The following ZNF469 variants were observed in gnomAD, a reference collection of about 807,000 sequenced individuals.
The protein encoded by ZNF469 is zinc finger protein 469.
ZNF469 carries 1 observed loss-of-function variant against 1.0 expected under a neutral mutation model. The ratio of observed to expected loss-of-function variants is 1.00; its 90% CI spans 0.35 to 4.73. The LOEUF (loss-of-function observed/expected upper bound fraction) is 4.73. ZNF469 is among the 30% of genes most tolerant of loss of function. ZNF469 has a pLI of 0.16. For missense variants in ZNF469, 6,100 were observed against 5,356.3 expected (o/e 1.14, Z -4.33); for synonymous variants, 2,703 against 2,363.4 (o/e 1.14, Z -4.17).
chr16:88,297,135 C>T, the ZNF469 span, among the ~76,000 whole-genome samples: 1 of 152,258 alleles, frequency 6.6e-6, no homozygotes, highest in Admixed American at 6.5e-5. Context: ...GCTTTCGGCT[C>T]TAGCCTCGAA....
the ZNF469 span, among the ~76,000 whole-genome samples, chr16:88,200,676 GT>G: frequency 6.6e-6 from 1 of 152,254 alleles, no homozygotes; most frequent in Non-Finnish European, 1.5e-5. Flanking sequence ...CCAGCAGCTG[GT>G]TCCCTCTGCC....
chr16:88,146,070 G>C, the ZNF469 span, among the ~76,000 whole-genome samples: 3 of 152,246 alleles, frequency 2.0e-5, no homozygotes, highest in African/African-American at 4.8e-5. Context: ...ACGGTGCCCG[G>C]TGCAGGGCCT....
the ZNF469 span, among the ~76,000 whole-genome samples, chr16:88,340,353 A>T: frequency 6.6e-6 from 1 of 152,160 alleles, no homozygotes; most frequent in African/African-American, 2.4e-5. Flanking sequence ...TGGACCAGGT[A>T]TCAAAGGCCA....
Position 88,430,445 on chromosome 16 carries a change from C to T in ZNF469, c.2975C>T (p.Pro992Leu). The change falls in exon 3 of 3, where the codon CCC becomes CTC. Residue 992 changes from proline to leucine, a missense_variant. Pro to Leu is a moderately conservative substitution (Grantham distance 98, BLOSUM62 -3). Coordinates refer to ENST00000565624, the MANE Select transcript of ZNF469 (RefSeq NM_001367624.2). The part of the protein sequence containing the change: ...RNDGLGERPP[P>L]RPRRPRTQAP... ...GACGGTCTCGGGGAGCGGCCCCCACCCCGTCCCCGGCGCCCTAGAACGCAG... is the reference window on the plus strand; with the variant it reads ...GACGGTCTCGGGGAGCGGCCCCCACTCCGTCCCCGGCGCCCTAGAACGCAG... 6.7e-7 allele frequency: 1 copy of T among 1,502,374 alleles called. No homozygotes were observed. The highest frequency in any genetic ancestry group is 8.8e-7 in the Non-Finnish European group (1 of 1,131,368). The allele number at this position is 1,502,374 out of a possible 1,614,324, so 93.1% of individuals were successfully genotyped here.
chr16:88,344,117 G>A, the ZNF469 span, among the ~76,000 whole-genome samples: 22 of 152,118 alleles, frequency 1.4e-4, no homozygotes, highest in Non-Finnish European at 2.9e-4. Context: ...CAAAACACCT[G>A]AGCGGTCCTC....
the ZNF469 span, among the ~76,000 whole-genome samples, chr16:88,374,741 G>A: frequency 1.0e-3 from 153 of 152,236 alleles, 1 homozygote; most frequent in African/African-American, 2.7e-3. Context: ...TGAGCTCGGC[G>A]CCGTGTGCTG....
intron 1 of ZNF469, among the ~76,000 whole-genome samples, chr16:88,393,433 A>T (rs920149899): frequency 2.6e-5 from 4 of 152,310 alleles, no homozygotes; most frequent in Non-Finnish European, 2.9e-5. Context: ...TTTATGCCGG[A>T]CCGGTGCCTG....
Position 88,428,666 on chromosome 16 carries a change from G to A in ZNF469, c.1196G>A (p.Ser399Asn). The A allele has an allele frequency of 6.5e-7, 1 of 1,549,962 alleles. No individual in the cohort carries two copies. Among genetic ancestry groups the A allele is most frequent in the Non-Finnish European group, 8.7e-7 (1 of 1,146,814 alleles). ...CTGGGGAGCACGAGAGGGCCCCCTA[G>A]CTCCCTACCCCAGAGGCACTTTCCA... ...DGLGSTRGPP[S>N]SLPQRHFPGQ... Residue 399 changes from serine (S) to asparagine (N), a missense_variant, in exon 3 of 3, where the codon AGC becomes AAC. Transcript: ENST00000565624.
the ZNF469 span, among the ~76,000 whole-genome samples, chr16:88,263,686 G>C: frequency 2.6e-5 from 4 of 152,146 alleles, no homozygotes; most frequent in African/African-American, 9.7e-5. Flanking sequence ...AGAGTCGCCA[G>C]AGGACCCGTA....
the ZNF469 span, among the ~76,000 whole-genome samples, chr16:88,110,371 C>A: frequency 1.9e-4 from 29 of 152,276 alleles, no homozygotes; most frequent in Non-Finnish European, 4.4e-5. Flanking sequence ...TCACGCCGGA[C>A]TGAACTGGCT....
chr16:88,351,759 G>A, the ZNF469 span, among the ~76,000 whole-genome samples: 1 of 152,004 alleles, frequency 6.6e-6, no homozygotes. Flanking sequence ...AGGGGGTTGT[G>A]CGGGGCTCCA....
At chr16:88,326,945 C>T in the ZNF469 span, among the ~76,000 whole-genome samples, 1 of 152,172 alleles carries the variant, frequency 6.6e-6, no homozygotes, top group Non-Finnish European at 1.5e-5. Flanking sequence ...CGGCCTGTGT[C>T]CCTGTCTCCC....
At chr16:88,371,759 G>C in the ZNF469 span, among the ~76,000 whole-genome samples, 1 of 151,904 alleles carries the variant, frequency 6.6e-6, no homozygotes, top group Non-Finnish European at 1.5e-5. Flanking sequence ...CAACACATTT[G>C]CTATGCTTAA....
At chr16:88,225,094 CG>C in the ZNF469 span, among the ~76,000 whole-genome samples, 1 of 152,256 alleles carries the variant, frequency 6.6e-6, no homozygotes, top group Non-Finnish European at 1.5e-5. Context: ...TCAGTGCCTA[CG>C]GGCGCCTGGC....
At chr16:88,186,602 C>T in the ZNF469 span, among the ~76,000 whole-genome samples, 1 of 152,190 alleles carries the variant, frequency 6.6e-6, no homozygotes, top group African/African-American at 2.4e-5. Flanking sequence ...GCACCGAGAC[C>T]TCAGTGTCGG....
chr16:88,313,254 T>G, the ZNF469 span, among the ~76,000 whole-genome samples: 1 of 152,238 alleles, frequency 6.6e-6, no homozygotes, highest in Non-Finnish European at 1.5e-5. Context: ...AGAAAGCTGT[T>G]GATATTTGAA....
chr16:88,229,646 C>T, the ZNF469 span, among the ~76,000 whole-genome samples: 2,753 of 66,596 alleles, frequency 0.041, 126 homozygotes, highest in East Asian at 0.24. Context: ...CGTGTGTGTG[C>T]TGATGTCACG....
At chr16:88,274,521 C>T in the ZNF469 span, among the ~76,000 whole-genome samples, 1 of 152,250 alleles carries the variant, frequency 6.6e-6, no homozygotes, top group Non-Finnish European at 1.5e-5. Flanking sequence ...CACAACAGAT[C>T]AGCCCACCCT....
At chr16:88,175,057 G>T in the ZNF469 span, among the ~76,000 whole-genome samples, 2 of 152,086 alleles carry the variant, frequency 1.3e-5, no homozygotes, top group African/African-American at 4.8e-5. Flanking sequence ...GTTCATAGGA[G>T]AAATTTCTTC....
Sources: allele counts gnomAD v4.1 joint callset (sites outside exome capture counted in the v4.1 genomes callset), GRCh38; gene constraint gnomAD v4.1.1; transcripts MANE v1.5; gene names NCBI Gene and HGNC (gene_info 2026-07-23, HGNC 2026-07-21).